Variants in SAMHD1 observed in about 807,000 individuals in gnomAD.
SAMHD1 encodes the protein deoxynucleoside triphosphate triphosphohydrolase SAMHD1.
In SAMHD1, 54 loss-of-function variants were observed where a neutral mutation model predicts 79.6. That is an observed-to-expected ratio of 0.68 (90% CI 0.55 to 0.85). SAMHD1 has a LOEUF of 0.85. Ranked by LOEUF, SAMHD1 falls within the 40% of genes least tolerant of loss-of-function variation. The probability of loss-of-function intolerance (pLI) is 0.00; values close to 1 mark genes in which losing one functional copy is unlikely to be tolerated. For missense variants in SAMHD1, 663 were observed against 782.7 expected (o/e 0.85, Z 1.82); for synonymous variants, 260 against 264.1 (o/e 0.98, Z 0.15).
intron 6 of SAMHD1, among the ~76,000 whole-genome samples, chr20:36,925,269 G>C (rs1456794429): frequency 6.6e-6 from 1 of 152,150 alleles, no homozygotes. Context: ...GAATAGATTT[G>C]GTAATGATTG....
chr20:36,899,747 G>A (rs1358176850), intron 13 of SAMHD1, among the ~76,000 whole-genome samples: 2 of 152,108 alleles, frequency 1.3e-5, no homozygotes, highest in African/African-American at 4.8e-5. Flanking sequence ...AGTCACCGGT[G>A]ATTCTGGAGA....
At chr20:36,921,848 C>T (rs918327422) in intron 6 of SAMHD1, among the ~76,000 whole-genome samples, 5 of 152,062 alleles carry the variant, frequency 3.3e-5, no homozygotes, top group Non-Finnish European at 7.4e-5. Flanking sequence ...ACCACCATGC[C>T]CAGATAATTT....
chr20:36,936,725 G>A (rs924164600), intron 3 of SAMHD1, among the ~76,000 whole-genome samples: 1 of 151,850 alleles, frequency 6.6e-6, no homozygotes, highest in Non-Finnish European at 1.5e-5. Flanking sequence ...TATCACATAA[G>A]CTGGAGTACA....
chr20:36,948,878 AAAAG>A (rs2063713305), intron 1 of SAMHD1, among the ~76,000 whole-genome samples: 1 of 100,566 alleles, frequency 9.9e-6, no homozygotes, highest in Non-Finnish European at 1.9e-5. Flanking sequence ...AAAAAAAAAA[AAAAG>A]AAAAGAAAAA....
intron 5 of SAMHD1, among the ~76,000 whole-genome samples, chr20:36,928,790 C>T (rs1010690500): frequency 6.6e-6 from 1 of 151,932 alleles, no homozygotes; most frequent in African/African-American, 2.4e-5. Context: ...GGTGTGGTGG[C>T]TCATGCCTGT....
chr20:36,904,994 C>T (rs907890960), intron 12 of SAMHD1: 3 of 283,998 alleles, frequency 1.1e-5, no homozygotes, highest in Non-Finnish European at 2.0e-5. Flanking sequence ...TCACCACAGC[C>T]TCAATGAAGC....
intron 6 of SAMHD1, among the ~76,000 whole-genome samples, chr20:36,920,064 T>C (rs2063495994): frequency 6.6e-6 from 1 of 152,162 alleles, no homozygotes; most frequent in African/African-American, 2.4e-5. Context: ...TCCTAGATCC[T>C]ACCAAAAACT....
chr20:36,916,937 T>C lies in SAMHD1; in HGVS notation c.953+12A>G, dbSNP rs1233758935. 1 of 1,599,124 alleles carries C rather than the reference T, an allele frequency of 6.3e-7. No homozygotes were observed. Among genetic ancestry groups the C allele is most frequent in the Non-Finnish European group, 8.6e-7 (1 of 1,166,554 alleles). On this transcript the variant is annotated intron_variant, in intron 8 of 15. Transcript: ENST00000646673. ...TATTTTAGCCAACTTTTCAGAAGTG[T>C]TCAGTGCATACCTGGCAAAATAATC...
intron 9 of SAMHD1, among the ~76,000 whole-genome samples, chr20:36,912,772 T>TTG (rs1306664192): frequency 1.6e-5 from 2 of 123,468 alleles, no homozygotes; most frequent in Admixed American, 1.8e-4. Context: ...TTTTTTTTTT[T>TTG]TTTTTAAAAG....
intron 6 of SAMHD1, among the ~76,000 whole-genome samples, chr20:36,925,936 A>G (rs551806965): frequency 6.8e-4 from 104 of 152,188 alleles, no homozygotes; most frequent in Admixed American, 1.8e-3. Flanking sequence ...ATACATATCT[A>G]CCATATGACC....
intron 15 of SAMHD1, 185 bp downstream of exon 15, chr20:36,897,636 AG>A: frequency 1.5e-6 from 1 of 671,330 alleles, no homozygotes; most frequent in Non-Finnish European, 2.6e-6. Flanking sequence ...CAACTCCTGT[AG>A]GAAGAAATCA....
At chr20:36,926,945 A>G (rs2063540114) in intron 6 of SAMHD1, 1 of 476,398 alleles carries the variant, frequency 2.1e-6, no homozygotes, top group African/African-American at 2.0e-5. Context: ...GCATCAATAC[A>G]CATCCAAGAG....
intron 13 of SAMHD1, among the ~76,000 whole-genome samples, chr20:36,901,685 G>A (rs191398840): frequency 2.0e-5 from 3 of 151,550 alleles, no homozygotes; most frequent in East Asian, 2.0e-4. Flanking sequence ...ATAATGAGCT[G>A]TGATTACATC....
intron 15 of SAMHD1, chr20:36,893,609 C>T (rs749662092): frequency 6.0e-6 from 2 of 335,200 alleles, no homozygotes; most frequent in East Asian, 9.5e-5. Flanking sequence ...CAAAGGGAGG[C>T]GATACAATGA....
intron 9 of SAMHD1, among the ~76,000 whole-genome samples, chr20:36,913,682 A>AAT (rs1440051557): frequency 1.3e-4 from 20 of 150,898 alleles, no homozygotes; most frequent in Non-Finnish European, 2.5e-4. Context: ...TCTTAAATTA[A>AAT]ATATATATAT....
intron 2 of SAMHD1, chr20:36,946,396 G>A: frequency 3.8e-6 from 1 of 263,358 alleles, no homozygotes; most frequent in Non-Finnish European, 7.3e-6. Context: ...CTGGGAGACA[G>A]AGCGAGACTC....
intron 1 of SAMHD1, among the ~76,000 whole-genome samples, chr20:36,949,476 G>A (rs1335239667): frequency 6.7e-6 from 1 of 150,054 alleles, no homozygotes; most frequent in Non-Finnish European, 1.5e-5. Flanking sequence ...AAAAAATGAG[G>A]CCGGGCGCGG....
Position 36,892,025 on chromosome 20 carries a change from C to G in SAMHD1, c.*907G>C, listed in dbSNP as rs533505061. The G allele has an allele frequency of 2.0e-3, 304 of 152,328 alleles. 1 individual carries two copies. The highest frequency in any genetic ancestry group is 6.8e-3 in the African/African-American group (282 of 41,528). 9.4% of individuals were successfully genotyped at this position (152,328 alleles called of 1,614,324 possible). The stretch of plus-strand genomic sequence containing the variant: ...TGGGCAGTGGGAAGGCCCTCTGGAC[C>G]GGGGGAGTGAGTATTCAGGGGACAA... On this transcript the variant is annotated 3_prime_UTR_variant, in exon 16 of 16. Coordinates refer to ENST00000646673, the MANE Select transcript of SAMHD1 (RefSeq NM_015474.4).
intron 15 of SAMHD1, among the ~76,000 whole-genome samples, chr20:36,896,174 G>A (rs1990194135): frequency 6.6e-6 from 1 of 151,792 alleles, no homozygotes; most frequent in Non-Finnish European, 1.5e-5. Flanking sequence ...GGGTTTCACA[G>A]TATTAGCCAG....
Sources: allele counts gnomAD v4.1 joint callset (sites outside exome capture counted in the v4.1 genomes callset), GRCh38; gene constraint gnomAD v4.1.1; transcripts MANE v1.5; gene names NCBI Gene and HGNC (gene_info 2026-07-23, HGNC 2026-07-21).